Variants in SOX7 observed in about 807,000 individuals in gnomAD.
SOX7 encodes the protein transcription factor SOX-7.
A neutral mutation model predicts 24.9 loss-of-function variants in SOX7; 19 were observed. The observed-to-expected ratio is 0.76, with a 90% confidence interval of 0.53 to 1.12. The LOEUF (loss-of-function observed/expected upper bound fraction) is 1.12. Among genes scored for constraint, SOX7 ranks in the 50% most tolerant of loss-of-function variants. The pLI is 0.00. For synonymous variants in SOX7, 327 were observed against 244.5 expected, an observed-to-expected ratio of 1.34 and a Z score of -3.15; for missense variants, 702 against 535.0, an observed-to-expected ratio of 1.31 and a Z score of -3.08.
At chr8:10,726,745 C>G (rs751137501) in intron 1 of SOX7, 79 bp from the exon 2 acceptor site, 2 of 1,290,162 alleles carry the variant, frequency 1.6e-6, no homozygotes, top group Non-Finnish European at 2.1e-6. Context: ...TGCACACACA[C>G]GTGCACATGC....
At chr8:10,729,040 C>G (rs1441846814) in intron 1 of SOX7, among the ~76,000 whole-genome samples, 1 of 152,232 alleles carries the variant, frequency 6.6e-6, no homozygotes, top group African/African-American at 2.4e-5. Context: ...GTTGGTGCAG[C>G]CGGCCACCAG....
rs780791146 is a variant in SOX7, at chr8:10,725,357, A to C, written c.*381T>G. ...TCCCCATCTTCCTTTATTAATCTTG[A>C]GAGAACCCTAAATCAGAAAACTGGA... On this transcript the variant is annotated 3_prime_UTR_variant, in exon 2 of 2. Coordinates refer to ENST00000304501, the MANE Select transcript of SOX7 (RefSeq NM_031439.4). The C allele has an allele frequency of 2.4e-4, 58 of 236,888 alleles. No homozygotes were observed. Among genetic ancestry groups the C allele is most frequent in the Non-Finnish European group, 2.6e-4 (31 of 121,560 alleles). The allele number at this position is 236,888 out of a possible 1,614,324, so 14.7% of individuals were successfully genotyped here. A position where few individuals can be genotyped will look rare whatever the true frequency, so the allele number is the denominator to read the frequency against.
chr8:10,725,916 T>C lies in SOX7; in HGVS notation c.989A>G (p.Asn330Ser), dbSNP rs1029497202. 7 of 1,613,986 alleles carry C rather than the reference T, an allele frequency of 4.3e-6. No individual in the cohort carries two copies. Among genetic ancestry groups the C allele is most frequent in the Non-Finnish European group, 5.9e-6 (7 of 1,179,998 alleles). Reference sequence around the variant, plus strand: ...AGTGTTCAAATACTGGTCGAATTCATTGCGATCCATGTCCCCCAGGAGTTC... The same window carrying C: ...AGTGTTCAAATACTGGTCGAATTCACTGCGATCCATGTCCCCCAGGAGTTC... ...QVELLGDMDRNEFDQYLNTPG... is the reference protein window; with the variant it reads ...QVELLGDMDRSEFDQYLNTPG... Residue 330 changes from asparagine to serine, a missense_variant, in exon 2 of 2, where the codon AAT (asparagine) becomes AGT (serine). Asn to Ser is a conservative substitution (Grantham distance 46, BLOSUM62 1). Transcript: ENST00000304501.
At position 10,726,082 on chromosome 8, in the gene SOX7, G is replaced by T; in HGVS notation, c.823C>A (p.Pro275Thr). ...SPGVSMMSPV[P>T]GCPPSPAYYS... ...TAGGCAGGAGATGGGGGACAGCCGGGTACAGGGGACATCATGGAGACGCCG... is the reference window on the plus strand; with the variant it reads ...TAGGCAGGAGATGGGGGACAGCCGGTTACAGGGGACATCATGGAGACGCCG... Residue 275 changes from proline to threonine, a missense_variant, in exon 2 of 2, where the codon CCC becomes ACC. Physicochemically the swap from Pro to Thr is conservative, Grantham distance 38. Transcript: ENST00000304501. 6.4e-7 allele frequency: 1 copy of T among 1,565,742 alleles called. No individual in the cohort carries two copies. Among genetic ancestry groups the T allele is most frequent in the Middle Eastern group, 1.7e-4 (1 of 5,752 alleles).
intron 1 of SOX7, chr8:10,729,569 C>A (rs1198194295): frequency 6.6e-6 from 1 of 151,898 alleles, no homozygotes; most frequent in Non-Finnish European, 1.5e-5. Context: ...GCCCAAGCAT[C>A]CGAATCAAGT....
At chr8:10,728,395 A>G (rs1800196017) in intron 1 of SOX7, among the ~76,000 whole-genome samples, 2 of 152,186 alleles carry the variant, frequency 1.3e-5, no homozygotes, top group Admixed American at 1.3e-4. Flanking sequence ...TTTTCCTCTC[A>G]GGTCAGAAAG....
rs151035322 is a variant in SOX7 at position 10,726,237 on chromosome 8, G to C, written c.668C>G (p.Pro223Arg). The C allele has an allele frequency of 4.3e-6, 7 of 1,613,658 alleles. No homozygotes were observed. The African/African-American group carries it at 6.7e-5, about 15-fold the overall frequency. Residue 223 changes from proline to arginine, a missense_variant, in exon 2 of 2, where the codon CCC becomes CGC. By Grantham distance (103) the Pro-to-Arg change is moderately radical (BLOSUM62 -2). Transcript: ENST00000304501. ...GGGATGGCCATGCTCCTCCTGGCAG[G>C]GGGAGGAGAAGAAGGTCTGCTCCGG... ...LEPEQTFFSS[P>R]CQEEHGHPRR...
At position 10,726,102 on chromosome 8, in the gene SOX7, A is replaced by C; in HGVS notation, c.803T>G (p.Val268Gly). Residue 268 changes from valine (V) to glycine (G), a missense_variant, in exon 2 of 2, where the codon GTC becomes GGC. Coordinates refer to ENST00000304501, the MANE Select transcript of SOX7 (RefSeq NM_031439.4). ...GCCGGGTACAGGGGACATCATGGAGACGCCGGGGGACTGGCCAAGGGCCAG... is the reference window on the plus strand; with the variant it reads ...GCCGGGTACAGGGGACATCATGGAGCCGCCGGGGGACTGGCCAAGGGCCAG... ...GSLALGQSPG[V>G]SMMSPVPGCP... 1 of 1,563,044 alleles carries C rather than the reference A, an allele frequency of 6.4e-7. No homozygotes were observed. Among genetic ancestry groups the C allele is most frequent in the Non-Finnish European group, 8.6e-7 (1 of 1,156,226 alleles).
chr8:10,728,232 G>T (rs1014777731), intron 1 of SOX7, among the ~76,000 whole-genome samples: 12 of 152,174 alleles, frequency 7.9e-5, no homozygotes, highest in Non-Finnish European at 1.6e-4. Context: ...AATAAAATAC[G>T]TGTTCATTTA....
At chr8:10,726,719 C>G in intron 1 of SOX7, 53 bp from the exon 2 acceptor site, 1 of 1,481,748 alleles carries the variant, frequency 6.7e-7, no homozygotes, top group Middle Eastern at 1.8e-4. Context: ...CCGCAGGCAT[C>G]GCACATGCAC....
At position 10,726,207 on chromosome 8, in the gene SOX7, C is replaced by A. The variant is rs775918915; in HGVS notation, c.698G>T (p.Arg233Leu). ...CGGGTGCCCTGGCAGGTGGGGGATG[C>A]GGCGGGGATGGCCATGCTCCTCCTG... The part of the protein sequence containing the change: ...PCQEEHGHPR[R>L]IPHLPGHPYS... The change falls in exon 2 of 2, where the codon CGC (arginine) becomes CTC (leucine). Residue 233 changes from arginine (R) to leucine (L), a missense_variant. Physicochemically the swap from Arg to Leu is moderately radical, Grantham distance 102. Transcript: ENST00000304501. The A allele has an allele frequency of 3.1e-6, 5 of 1,609,510 alleles. No individual in the cohort carries two copies. The highest frequency in any genetic ancestry group is 1.1e-5 in the South Asian group (1 of 90,804).
chr8:10,730,186 G>C lies in SOX7; in HGVS notation c.238+10C>G, dbSNP rs1263450543. On this transcript the variant is annotated intron_variant, in intron 1 of 1. Coordinates refer to ENST00000304501, the MANE Select transcript of SOX7 (RefSeq NM_031439.4). This position sits in a 1 kb window ranked among gnomAD's most constrained non-coding sequence, Gnocchi z 4.8. ...CGGCCCCCAGCCCGCTCGGCCGCGC[G>C]CTCACTCACCCAGCATCTTGCTGAG... The C allele has an allele frequency of 5.4e-6, 8 of 1,477,844 alleles. No individual in the cohort carries two copies. The East Asian group carries it at 1.1e-4, about 21-fold the overall frequency. The allele number at this position is 1,477,844 out of a possible 1,614,324, so 91.5% of individuals were successfully genotyped here.
rs773476734 is a variant in SOX7, at chr8:10,730,188, TCA to T, written c.238+6_238+7del. ...GCCCCCAGCCCGCTCGGCCGCGCGC[TCA>T]CTCACCCAGCATCTTGCTGAGCTCG... On this transcript the variant is annotated splice_donor_region_variant and intron_variant, in intron 1 of 1. Coordinates refer to ENST00000304501, the MANE Select transcript of SOX7 (RefSeq NM_031439.4). The surrounding 1 kb of genome is among the most constrained non-coding windows in gnomAD (Gnocchi z 4.8). 1 of 1,439,268 alleles carries T rather than the reference TCA, an allele frequency of 6.9e-7. No homozygotes were observed. The highest frequency in any genetic ancestry group is 9.2e-7 in the Non-Finnish European group (1 of 1,083,266). 89.2% of individuals were successfully genotyped at this position (1,439,268 alleles called of 1,614,324 possible).
chr8:10,725,666 G>C lies in SOX7; in HGVS notation c.*72C>G. On this transcript the variant is annotated 3_prime_UTR_variant, in exon 2 of 2. Coordinates refer to ENST00000304501, the MANE Select transcript of SOX7 (RefSeq NM_031439.4). ...GGTGGGAGGAAAGCTGGTGTGGCTG[G>C]ACGGCTCCTCTGCCACTCAAGGCAC... The C allele has an allele frequency of 6.5e-7, 1 of 1,527,062 alleles. No individual in the cohort carries two copies. Among genetic ancestry groups the C allele is most frequent in the Non-Finnish European group, 9.0e-7 (1 of 1,111,402 alleles). The allele number at this position is 1,527,062 out of a possible 1,614,324, so 94.6% of individuals were successfully genotyped here. A position where few individuals can be genotyped will look rare whatever the true frequency, so the allele number is the denominator to read the frequency against.
Position 10,726,028 on chromosome 8 carries a change from G to T in SOX7, c.877C>A (p.His293Asn). 2 of 1,579,586 alleles carry T rather than the reference G, an allele frequency of 1.3e-6. No homozygotes were observed. The highest frequency in any genetic ancestry group is 1.7e-6 in the Non-Finnish European group (2 of 1,161,864). The change falls in exon 2 of 2, where the codon CAC (histidine) becomes AAC (asparagine). Residue 293 changes from histidine (H) to asparagine (N), a missense_variant. His to Asn is a moderately conservative substitution (Grantham distance 68). Transcript: ENST00000304501. ...CCCAGGTGGGCTTGGAGGTTGGAGT[G>T]GAGTGGGTGGTAGGTGGCCGGGGAG... is the stretch of plus-strand genomic sequence containing the variant. The part of the protein sequence containing the change: ...YYSPATYHPL[H>N]SNLQAHLGQL...
chr8:10,725,727 C>A lies in SOX7; in HGVS notation c.*11G>T. ...GGGCGCGAGGGCTGACCGGACGGGGCGCCTCCAGCTCTATGACACACTGTA... is the reference window on the plus strand; with the variant it reads ...GGGCGCGAGGGCTGACCGGACGGGGAGCCTCCAGCTCTATGACACACTGTA... On this transcript the variant is annotated 3_prime_UTR_variant, in exon 2 of 2. Transcript: ENST00000304501. The A allele has an allele frequency of 5.0e-6, 8 of 1,613,886 alleles. No individual in the cohort carries two copies. Among genetic ancestry groups the A allele is most frequent in the Non-Finnish European group, 6.8e-6 (8 of 1,179,908 alleles).
At position 10,725,838 on chromosome 8, in the gene SOX7, G is replaced by T; in HGVS notation, c.1067C>A (p.Pro356Gln). The T allele has an allele frequency of 1.2e-6, 2 of 1,614,228 alleles. No homozygotes were observed. The highest frequency in any genetic ancestry group is 1.7e-6 in the Non-Finnish European group (2 of 1,180,036). Residue 356 changes from proline to glutamine, a missense_variant, in exon 2 of 2, where the codon CCG (proline) becomes CAG (glutamine). By Grantham distance (76) the Pro-to-Gln change is moderately conservative (BLOSUM62 -1). Transcript: ENST00000304501. ...ACCCGTTGGTGTCACCTGGGAGACC[G>T]GAACATGCCCACTGAGGGCCATGGC... The part of the protein sequence containing the change: ...TGAMALSGHV[P>Q]VSQVTPTGPT...
Position 10,726,201 on chromosome 8 carries a change from G to C in SOX7, c.704C>G (p.Pro235Arg). ...QEEHGHPRRI[P>R]HLPGHPYSPE... ...TGAGTACGGGTGCCCTGGCAGGTGG[G>C]GGATGCGGCGGGGATGGCCATGCTC... Residue 235 changes from proline to arginine, a missense_variant, in exon 2 of 2, where the codon CCC becomes CGC. Transcript: ENST00000304501. The C allele has an allele frequency of 6.2e-7, 1 of 1,613,112 alleles. No individual in the cohort carries two copies. The highest frequency in any genetic ancestry group is 1.1e-5 in the South Asian group (1 of 90,972).
rs779911952 is a variant in SOX7 at position 10,725,848 on chromosome 8, C to T, written c.1057G>A (p.Gly353Arg). 5.0e-6 allele frequency: 8 copies of T among 1,614,104 alleles called. No homozygotes were observed. The highest frequency in any genetic ancestry group is 1.3e-5 in the African/African-American group (1 of 74,932). ...GTCACCTGGGAGACCGGAACATGCC[C>T]ACTGAGGGCCATGGCCCCTGTGGCG... is the stretch of plus-strand genomic sequence containing the variant. ...DSATGAMALS[G>R]HVPVSQVTPT... is the part of the protein sequence containing the mutation. Residue 353 changes from glycine to arginine, a missense_variant, in exon 2 of 2, where the codon GGG (glycine) becomes AGG (arginine). Gly to Arg is a moderately radical substitution (Grantham distance 125). Coordinates refer to ENST00000304501, the MANE Select transcript of SOX7 (RefSeq NM_031439.4).
Sources: allele counts gnomAD v4.1 joint callset (sites outside exome capture counted in the v4.1 genomes callset), GRCh38; gene constraint gnomAD v4.1.1; non-coding constraint Gnocchi (gnomAD v3.1); transcripts MANE v1.5; gene names NCBI Gene and HGNC (gene_info 2026-07-23, HGNC 2026-07-21).